ZCCHC7: variants seen among roughly 807,000 people sequenced by gnomAD.
ZCCHC7 encodes the protein zinc finger CCHC-type containing 7.
ZCCHC7 carries 35 observed loss-of-function variants against 52.0 expected under a neutral mutation model. The observed-to-expected ratio is 0.67, with a 90% confidence interval of 0.51 to 0.89. The LOEUF (loss-of-function observed/expected upper bound fraction) is 0.89, where lower values mean the gene tolerates loss of function less well. ZCCHC7 is among the 40% of genes least tolerant of loss of function. The pLI, the probability that ZCCHC7 is intolerant of heterozygous loss-of-function variation, is 0.00. For synonymous variants in ZCCHC7, 217 were observed against 221.5 expected, an observed-to-expected ratio of 0.98 and a Z score of 0.18; for missense variants, 574 against 649.1, an observed-to-expected ratio of 0.88 and a Z score of 1.26.
At chr9:37,132,722 A>C (rs1266513513) in intron 2 of ZCCHC7, among the ~76,000 whole-genome samples, 3 of 152,254 alleles carry the variant, frequency 2.0e-5, no homozygotes, top group Non-Finnish European at 2.9e-5. Flanking sequence ...TAACCTATTT[A>C]CATCCTCTCG....
At chr9:37,167,017 A>G (rs1821458177) in intron 2 of ZCCHC7, among the ~76,000 whole-genome samples, 2 of 152,182 alleles carry the variant, frequency 1.3e-5, no homozygotes, top group African/African-American at 4.8e-5. Context: ...TAAAGGTCAG[A>G]TTTTGGAAAA....
chr9:37,343,404 C>T (rs986749864), intron 6 of ZCCHC7, among the ~76,000 whole-genome samples: 1 of 152,144 alleles, frequency 6.6e-6, no homozygotes, highest in African/African-American at 2.4e-5. Flanking sequence ...AGGCCTCAGC[C>T]TCCCTAGTGC....
At chr9:37,305,758 G>T in intron 5 of ZCCHC7, 44 bp downstream of exon 5, 1 of 1,603,328 alleles carries the variant, frequency 6.2e-7, no homozygotes, top group Non-Finnish European at 8.5e-7. Flanking sequence ...TTTGGAGGGA[G>T]TGTGCAAGTT....
At chr9:37,130,333 CCTTTTT>C (rs1477280773) in intron 2 of ZCCHC7, among the ~76,000 whole-genome samples, 1 of 112,912 alleles carries the variant, frequency 8.9e-6, no homozygotes, top group African/African-American at 3.3e-5. Context: ...GGAATTCTCT[CCTTTTT>C]TTTTTTTTTT....
chr9:37,324,296 T>C (rs1830157577), intron 5 of ZCCHC7, among the ~76,000 whole-genome samples: 2 of 152,180 alleles, frequency 1.3e-5, no homozygotes, highest in Admixed American at 6.5e-5. Context: ...TGAGTAGCTG[T>C]GCCAGCAGGG....
chr9:37,304,171 A>C lies in ZCCHC7; in HGVS notation c.655-17A>C, dbSNP rs771347962. The C allele has an allele frequency of 2.0e-6, 3 of 1,536,132 alleles. No individual in the cohort carries two copies. The South Asian group carries it at 3.7e-5, about 19-fold the overall frequency. ...AGTGAAACAATTTTTTTAATTCTTG[A>C]TTTTTTTTTCCCTTAGGCCCAGATA... is the stretch of plus-strand genomic sequence containing the variant. On this transcript the variant is annotated splice_polypyrimidine_tract_variant and intron_variant, in intron 3 of 8. Transcript: ENST00000336755.
intron 2 of ZCCHC7, among the ~76,000 whole-genome samples, chr9:37,274,514 A>C (rs1827591057): frequency 6.6e-6 from 1 of 150,486 alleles, no homozygotes; most frequent in East Asian, 2.0e-4. Context: ...TAATTTTTGT[A>C]ATTTAGTAGA....
intron 2 of ZCCHC7, among the ~76,000 whole-genome samples, chr9:37,159,907 T>G (rs1588399516): frequency 6.6e-6 from 1 of 152,212 alleles, no homozygotes; most frequent in Non-Finnish European, 1.5e-5. Flanking sequence ...TAACATAGAC[T>G]AGGCTCAAAA....
intron 2 of ZCCHC7, among the ~76,000 whole-genome samples, chr9:37,275,999 C>A (rs1032001309): frequency 6.6e-6 from 1 of 152,170 alleles, no homozygotes; most frequent in Admixed American, 6.5e-5. Flanking sequence ...TTATAACCAA[C>A]AATGTATGAG....
intron 2 of ZCCHC7, among the ~76,000 whole-genome samples, chr9:37,176,425 C>T (rs1588431289): frequency 2.6e-5 from 4 of 152,062 alleles, no homozygotes. Flanking sequence ...AACTCAGCCA[C>T]CCTATAGATT....
In ZCCHC7 at chr9:37,304,318, G is replaced by A. The variant is rs564103724; in HGVS notation, c.780+5G>A. On this transcript the variant is annotated splice_donor_5th_base_variant and intron_variant, in intron 4 of 8. Coordinates refer to ENST00000336755, the MANE Select transcript of ZCCHC7 (RefSeq NM_032226.3). ...AAAAACTGCCCCTTACCACGAGTACGTGAAATATGCTTTGCTTCTTTCCAC... is the reference window on the plus strand; with the variant it reads ...AAAAACTGCCCCTTACCACGAGTACATGAAATATGCTTTGCTTCTTTCCAC... 1.7e-5 allele frequency: 27 copies of A among 1,611,372 alleles called. No individual in the cohort carries two copies. The highest frequency in any genetic ancestry group is 7.7e-5 in the South Asian group (7 of 90,562).
At chr9:37,231,383 A>G (rs1825397635) in intron 2 of ZCCHC7, among the ~76,000 whole-genome samples, 1 of 152,192 alleles carries the variant, frequency 6.6e-6, no homozygotes, top group Non-Finnish European at 1.5e-5. Flanking sequence ...GGCTTTTTAA[A>G]TATCAGCTGG....
At chr9:37,237,535 C>T (rs1825707908) in intron 2 of ZCCHC7, among the ~76,000 whole-genome samples, 1 of 152,148 alleles carries the variant, frequency 6.6e-6, no homozygotes, top group South Asian at 2.1e-4. Flanking sequence ...TATTTCATCT[C>T]CTTAACCGTA....
intron 2 of ZCCHC7, among the ~76,000 whole-genome samples, chr9:37,171,745 A>G (rs966657967): frequency 6.6e-6 from 1 of 152,160 alleles, no homozygotes; most frequent in Non-Finnish European, 1.5e-5. Context: ...CAGTGCCTCA[A>G]CCATAGTTTT....
intron 2 of ZCCHC7, 138 bp downstream of exon 2, chr9:37,127,080 C>G: frequency 9.8e-7 from 1 of 1,023,346 alleles, no homozygotes; most frequent in Middle Eastern, 3.2e-4. Flanking sequence ...GTTTCTCATG[C>G]GACTCTCTTA....
In ZCCHC7 at chr9:37,129,816, G is replaced by A. The variant is rs576032233; in HGVS notation, c.610+2874G>A. Among the ~76,000 whole-genome samples, 22 of 152,300 alleles carry A rather than the reference G, an allele frequency of 1.4e-4. No individual in the cohort carries two copies. The East Asian group carries it at 4.0e-3, about 28-fold the overall frequency. ...AAACCTGCTTATAATAATATTTAGA[G>A]TAATTTCTTGGCACATACATTACCT... On this transcript the variant is annotated intron_variant, in intron 2 of 8. Coordinates refer to ENST00000336755, the MANE Select transcript of ZCCHC7 (RefSeq NM_032226.3).
chr9:37,281,656 T>G (rs1827964731), intron 2 of ZCCHC7, among the ~76,000 whole-genome samples: 1 of 152,258 alleles, frequency 6.6e-6, no homozygotes, highest in African/African-American at 2.4e-5. Context: ...TTACACTGTT[T>G]GGTATGGCGT....
At chr9:37,149,166 T>C (rs908161683) in intron 2 of ZCCHC7, among the ~76,000 whole-genome samples, 1 of 152,186 alleles carries the variant, frequency 6.6e-6, no homozygotes, top group African/African-American at 2.4e-5. Flanking sequence ...ATAGCTTAAT[T>C]TCATTAAAGT....
chr9:37,352,860 A>G (rs1243463273), intron 7 of ZCCHC7, among the ~76,000 whole-genome samples: 1 of 151,998 alleles, frequency 6.6e-6, no homozygotes, highest in Non-Finnish European at 1.5e-5. Context: ...TAAGTTTGCC[A>G]TATAACCTCT....
Sources: gnomAD v4.1 joint callset for allele counts (sites outside exome capture counted in the v4.1 genomes callset) on GRCh38, gnomAD v4.1.1 for gene constraint, MANE v1.5 for transcripts, NCBI Gene and HGNC (gene_info 2026-07-23, HGNC 2026-07-21) for gene names.